Variants in PRR15 observed in about 807,000 individuals in gnomAD.
The protein encoded by PRR15 is proline rich 15.
PRR15 carries 4 observed loss-of-function variants against 3.0 expected under a neutral mutation model. The ratio of observed to expected loss-of-function variants is 1.34; its 90% confidence interval spans 0.66 to 3.08. The LOEUF (loss-of-function observed/expected upper bound fraction) is 3.08, where lower values mean the gene tolerates loss of function less well. Ranked by LOEUF, PRR15 falls within the 30% of genes most tolerant of loss-of-function variation. PRR15 has a pLI of 0.01. For synonymous variants in PRR15, 82 were observed against 79.8 expected, an observed-to-expected ratio of 1.03 and a Z score of -0.14; for missense variants, 200 against 179.5, an observed-to-expected ratio of 1.11 and a Z score of -0.65.
At chr7:29,564,712 G>A (rs1461914713) in intron 1 of PRR15, among the ~76,000 whole-genome samples, 1 of 152,240 alleles carries the variant, frequency 6.6e-6, no homozygotes, top group Non-Finnish European at 1.5e-5. Flanking sequence ...CTGCAAAGTA[G>A]GAGGGAATGG....
At chr7:29,566,113 G>A (rs1465952061) in intron 1 of PRR15, 72 bp from the exon 2 acceptor site, 3 of 611,940 alleles carry the variant, frequency 4.9e-6, no homozygotes, top group Non-Finnish European at 8.5e-6. Flanking sequence ...GACAGCATAA[G>A]GGAGGAAAGG....
chr7:29,565,051 G>T (rs913637926), intron 1 of PRR15, among the ~76,000 whole-genome samples: 1 of 144,892 alleles, frequency 6.9e-6, no homozygotes, highest in Non-Finnish European at 1.5e-5. Context: ...CGGAAACCTG[G>T]AAGTGAGCCG....
In PRR15 at chr7:29,566,376, C is replaced by T; in HGVS notation, c.47C>T (p.Ser16Leu). 6.2e-7 allele frequency: 1 copy of T among 1,610,472 alleles called. No homozygotes were observed. The highest frequency in any genetic ancestry group is 8.5e-7 in the Non-Finnish European group (1 of 1,179,578). Reference sequence around the variant, plus strand: ...GGCAGCTCCGGCCCCTGGTGGAAATCGCTCACCAACAGCAGAAAGAAAAGC... The same window carrying T: ...GGCAGCTCCGGCCCCTGGTGGAAATTGCTCACCAACAGCAGAAAGAAAAGC... ...DAGSSGPWWK[S>L]LTNSRKKSKE... Residue 16 changes from serine (S) to leucine (L), a missense_variant, in exon 2 of 2, where the codon TCG becomes TTG. Ser to Leu is a moderately radical substitution (Grantham distance 145, BLOSUM62 -2). Coordinates refer to ENST00000319694, the MANE Select transcript of PRR15 (RefSeq NM_175887.3).
At position 29,566,440 on chromosome 7, in the gene PRR15, C is replaced by A. The variant is rs373174523; in HGVS notation, c.111C>A (p.Pro37=). Residue 37 remains proline, a synonymous_variant, in exon 2 of 2, where the codon CCC becomes CCA. Coordinates refer to ENST00000319694, the MANE Select transcript of PRR15 (RefSeq NM_175887.3). ...AAVGVPPPAQ[P]APGEPTPPAP... ...TGGGGGTGCCGCCTCCCGCCCAGCC[C>A]GCTCCCGGGGAGCCCACGCCACCTG... 7 of 1,605,008 alleles carry A rather than the reference C, an allele frequency of 4.4e-6. No individual in the cohort carries two copies. The African/African-American group carries it at 5.4e-5, about 12-fold the overall frequency.
At position 29,566,416 on chromosome 7, in the gene PRR15, G is replaced by T. The variant is rs769369533; in HGVS notation, c.87G>T (p.Val29=). The T allele has an allele frequency of 2.5e-6, 4 of 1,609,200 alleles. No homozygotes were observed. The highest frequency in any genetic ancestry group is 3.4e-5 in the Admixed American group (2 of 59,668). Residue 29 remains valine (V), a synonymous_variant, in exon 2 of 2, where the codon GTG becomes GTT. Transcript: ENST00000319694. ...GAAAGAAAAGCAAGGAAGCCGCAGT[G>T]GGGGTGCCGCCTCCCGCCCAGCCCG... is the stretch of plus-strand genomic sequence containing the variant. ...NSRKKSKEAA[V]GVPPPAQPAP...
intron 1 of PRR15, chr7:29,565,690 T>C (rs1792885201): frequency 6.6e-6 from 1 of 152,260 alleles, no homozygotes; most frequent in Non-Finnish European, 1.5e-5. Flanking sequence ...TGTTTGACCA[T>C]GGACTAATTA....
chr7:29,566,599 G>A lies in PRR15; in HGVS notation c.270G>A (p.Lys90=). Residue 90 remains lysine (K), a synonymous_variant, in exon 2 of 2, where the codon AAG becomes AAA. Coordinates refer to ENST00000319694, the MANE Select transcript of PRR15 (RefSeq NM_175887.3). ...CCGGCAGCAGCCGCCGCAATTTGAAGATCTCGCGCTCCGGCCGCTTTAAGG... is the reference window on the plus strand; with the variant it reads ...CCGGCAGCAGCCGCCGCAATTTGAAAATCTCGCGCTCCGGCCGCTTTAAGG... ...DKSGSSRRNL[K]ISRSGRFKEK... 2 of 1,607,846 alleles carry A rather than the reference G, an allele frequency of 1.2e-6. No individual in the cohort carries two copies. The highest frequency in any genetic ancestry group is 1.7e-6 in the Non-Finnish European group (2 of 1,177,498).
At position 29,566,452 on chromosome 7, in the gene PRR15, GCCCACGCCA is replaced by G. The variant is rs747246805; in HGVS notation, c.126_134del (p.Thr43_Pro45del). Reference sequence around the variant, plus strand: ...CTCCCGCCCAGCCCGCTCCCGGGGAGCCCACGCCACCTGCGCCGCCCAGCCCGGACTGGA... The same window carrying G: ...CTCCCGCCCAGCCCGCTCCCGGGGAGCCTGCGCCGCCCAGCCCGGACTGGA... On this transcript the variant is annotated inframe_deletion, in exon 2 of 2. Coordinates refer to ENST00000319694, the MANE Select transcript of PRR15 (RefSeq NM_175887.3). The G allele has an allele frequency of 9.2e-5, 148 of 1,603,004 alleles. No homozygotes were observed. The highest frequency in any genetic ancestry group is 1.2e-4 in the Non-Finnish European group (138 of 1,175,086).
intron 1 of PRR15, among the ~76,000 whole-genome samples, chr7:29,565,924 C>A (rs1792891139): frequency 6.6e-6 from 1 of 152,224 alleles, no homozygotes; most frequent in South Asian, 2.1e-4. Flanking sequence ...CACTGCACTT[C>A]CCCTGAAGGA....
rs1163853508 is a variant in PRR15 at position 29,566,951 on chromosome 7, A to T, written c.*232A>T. The T allele has an allele frequency of 1.1e-5, 5 of 461,606 alleles. No homozygotes were observed. Among genetic ancestry groups the T allele is most frequent in the Non-Finnish European group, 1.5e-5 (4 of 262,460 alleles). The allele number at this position is 461,606 out of a possible 1,614,324, so 28.6% of individuals were successfully genotyped here. A position where few individuals can be genotyped will look rare whatever the true frequency, so the allele number is the denominator to read the frequency against. ...AAATATTTATTTGTGGTAAGAGAAG[A>T]TACCTGCCGCGGAGGAGGGTGGCAT... On this transcript the variant is annotated 3_prime_UTR_variant, in exon 2 of 2. Transcript: ENST00000319694.
Position 29,566,991 on chromosome 7 carries a change from C to A in PRR15, c.*272C>A, listed in dbSNP as rs559976325. 1 of 345,350 alleles carries A rather than the reference C, an allele frequency of 2.9e-6. No individual in the cohort carries two copies. Among genetic ancestry groups the A allele is most frequent in the African/African-American group, 2.2e-5 (1 of 45,796 alleles). 21.4% of individuals were successfully genotyped at this position (345,350 alleles called of 1,614,324 possible). A position where few individuals can be genotyped will look rare whatever the true frequency, so the allele number is the denominator to read the frequency against. On this transcript the variant is annotated 3_prime_UTR_variant, in exon 2 of 2. Transcript: ENST00000319694. ...GAGGGTGGCATAATTATTTTTTTTT[C>A]AAAAAGCTATTCTGGGGCCCTGGCC...
At position 29,566,765 on chromosome 7, in the gene PRR15, C is replaced by G; in HGVS notation, c.*46C>G. 1 of 1,482,208 alleles carries G rather than the reference C, an allele frequency of 6.7e-7. No homozygotes were observed. 91.8% of individuals were successfully genotyped at this position (1,482,208 alleles called of 1,614,324 possible). On this transcript the variant is annotated 3_prime_UTR_variant, in exon 2 of 2. Transcript: ENST00000319694. Reference sequence around the variant, plus strand: ...CAGGACTGCCTACCCAGCACTACCCCAAACCCCCAGTTCCAAACCCGAGAC... The same window carrying G: ...CAGGACTGCCTACCCAGCACTACCCGAAACCCCCAGTTCCAAACCCGAGAC...
At position 29,566,458 on chromosome 7, in the gene PRR15, G is replaced by A. The variant is rs377682647; in HGVS notation, c.129G>A (p.Thr43=). ...PPAQPAPGEP[T]PPAPPSPDWT... is the part of the protein sequence containing the mutation. ...CCCAGCCCGCTCCCGGGGAGCCCACGCCACCTGCGCCGCCCAGCCCGGACT... is the reference window on the plus strand; with the variant it reads ...CCCAGCCCGCTCCCGGGGAGCCCACACCACCTGCGCCGCCCAGCCCGGACT... Residue 43 remains threonine (T), a synonymous_variant, in exon 2 of 2, where the codon ACG becomes ACA. Transcript: ENST00000319694. 1.2e-6 allele frequency: 2 copies of A among 1,600,204 alleles called. No individual in the cohort carries two copies. The highest frequency in any genetic ancestry group is 2.3e-5 in the East Asian group (1 of 44,142).
At chr7:29,565,612 G>C (rs1792881980) in intron 1 of PRR15, 1 of 152,194 alleles carries the variant, frequency 6.6e-6, no homozygotes, top group Admixed American at 6.5e-5. Flanking sequence ...ATTCTCCTAA[G>C]TATCTCATCG....
intron 1 of PRR15, among the ~76,000 whole-genome samples, chr7:29,565,160 C>A (rs780420435): frequency 1.4e-4 from 22 of 152,238 alleles, no homozygotes; most frequent in Non-Finnish European, 2.4e-4. Flanking sequence ...CACCTAAGTG[C>A]TCAGAAGCGG....
rs910144396 is a variant in PRR15, at chr7:29,566,781, A to C, written c.*62A>C. On this transcript the variant is annotated 3_prime_UTR_variant, in exon 2 of 2. Coordinates refer to ENST00000319694, the MANE Select transcript of PRR15 (RefSeq NM_175887.3). ...GCACTACCCCAAACCCCCAGTTCCA[A>C]ACCCGAGACTTCAGGCCCGCCCCCT... 11 of 1,448,822 alleles carry C rather than the reference A, an allele frequency of 7.6e-6. No homozygotes were observed. Among genetic ancestry groups the C allele is most frequent in the Non-Finnish European group, 1.0e-5 (11 of 1,091,048 alleles). The allele number at this position is 1,448,822 out of a possible 1,614,324, so 89.7% of individuals were successfully genotyped here.
At position 29,566,557 on chromosome 7, in the gene PRR15, G is replaced by A. The variant is rs536135762; in HGVS notation, c.228G>A (p.Lys76=). ...GGAGEPPKPD[K]LYGDKSGSSR... is the part of the protein sequence containing the mutation. ...CCGGCGAGCCCCCCAAACCAGACAA[G>A]TTATACGGGGACAAATCCGGCAGCA... is the stretch of plus-strand genomic sequence containing the variant. Residue 76 remains lysine, a synonymous_variant, in exon 2 of 2, where the codon AAG becomes AAA. Transcript: ENST00000319694. 5.4e-5 allele frequency: 87 copies of A among 1,609,014 alleles called. No homozygotes were observed. In the African/African-American group the frequency reaches 1.1e-3, roughly 20 times the overall value.
chr7:29,566,632 G>C lies in PRR15; in HGVS notation c.303G>C (p.Arg101Ser), dbSNP rs763104613. 7.5e-6 allele frequency: 12 copies of C among 1,596,594 alleles called. No homozygotes were observed. Among genetic ancestry groups the C allele is most frequent in the East Asian group, 2.3e-5 (1 of 43,774 alleles). Reference protein sequence around the residue: ...ISRSGRFKEKRKVRATLLPEA... With the variant: ...ISRSGRFKEKSKVRATLLPEA... ...GCTCCGGCCGCTTTAAGGAGAAGAGGAAAGTGCGCGCCACGCTGCTCCCGG... is the reference window on the plus strand; with the variant it reads ...GCTCCGGCCGCTTTAAGGAGAAGAGCAAAGTGCGCGCCACGCTGCTCCCGG... The change falls in exon 2 of 2, where the codon AGG (arginine) becomes AGC (serine). Residue 101 changes from arginine (R) to serine (S), a missense_variant. Transcript: ENST00000319694.
In PRR15 at chr7:29,566,753, C is replaced by T; in HGVS notation, c.*34C>T. On this transcript the variant is annotated 3_prime_UTR_variant, in exon 2 of 2. Coordinates refer to ENST00000319694, the MANE Select transcript of PRR15 (RefSeq NM_175887.3). ...GCCTGCGCGCTCCAGGACTGCCTAC[C>T]CAGCACTACCCCAAACCCCCAGTTC... is the stretch of plus-strand genomic sequence containing the variant. 3 of 1,499,072 alleles carry T rather than the reference C, an allele frequency of 2.0e-6. No homozygotes were observed. Among genetic ancestry groups the T allele is most frequent in the Non-Finnish European group, 1.8e-6 (2 of 1,119,248 alleles). 92.9% of individuals were successfully genotyped at this position (1,499,072 alleles called of 1,614,324 possible).
Sources: gnomAD v4.1 joint callset for allele counts (sites outside exome capture counted in the v4.1 genomes callset) on GRCh38, gnomAD v4.1.1 for gene constraint, MANE v1.5 for transcripts, NCBI Gene and HGNC (gene_info 2026-07-23, HGNC 2026-07-21) for gene names.